CLIC2: variants seen among roughly 807,000 people sequenced by gnomAD.
CLIC2 encodes CLIC family member 2, also known as chloride intracellular channel protein 2.
Under a neutral mutation model 14.8 loss-of-function variants are expected in CLIC2, and 9 were observed. That is an observed-to-expected ratio of 0.61 (90% CI 0.37 to 1.06). CLIC2 has a LOEUF of 1.06. Among genes scored for constraint, CLIC2 ranks in the 50% least tolerant of loss-of-function variants. CLIC2 has a pLI of 0.01. For synonymous variants in CLIC2, 61 were observed against 66.3 expected (o/e 0.92, Z 0.39); for missense variants, 148 against 181.4 (o/e 0.82, Z 1.06).
chrX:155,309,176 C>T (rs1027601639), intron 1 of CLIC2, among the ~76,000 whole-genome samples: 3 of 111,721 alleles, frequency 2.7e-5, no homozygotes, highest in Non-Finnish European at 3.8e-5. Context: ...CATGGTGGCA[C>T]GTGCCTGTAG....
At chrX:155,327,537 A>G (rs1415363937) in intron 1 of CLIC2, among the ~76,000 whole-genome samples, 1 of 111,344 alleles carries the variant, frequency 9.0e-6, no homozygotes, top group Non-Finnish European at 1.9e-5. Flanking sequence ...CCTTTATAGG[A>G]ACATGAACAG....
At chrX:155,293,745 G>T (rs2074983151) in intron 3 of CLIC2, among the ~76,000 whole-genome samples, 1 of 111,403 alleles carries the variant, frequency 9.0e-6, no homozygotes, top group Non-Finnish European at 1.9e-5. Flanking sequence ...GAAACCAAAA[G>T]TGAGCAGGAT....
At chrX:155,326,749 A>G (rs1557322375) in intron 1 of CLIC2, among the ~76,000 whole-genome samples, 1 of 111,857 alleles carries the variant, frequency 8.9e-6, no homozygotes. Context: ...GTACTCAGCA[A>G]TAAAAAGGAT....
intron 3 of CLIC2, among the ~76,000 whole-genome samples, chrX:155,289,915 C>T (rs1472375089): frequency 2.7e-5 from 3 of 112,175 alleles, no homozygotes; most frequent in Admixed American, 1.9e-4. Context: ...AACTTCTGGC[C>T]TTTTCCGAGG....
intron 1 of CLIC2, among the ~76,000 whole-genome samples, chrX:155,322,755 T>C (rs1373726172): frequency 3.6e-5 from 4 of 111,089 alleles, no homozygotes; most frequent in Non-Finnish European, 7.6e-5. Flanking sequence ...AAAAAATCAA[T>C]AAATCCAGGA....
At chrX:155,281,390 G>A (rs1226979237) in intron 3 of CLIC2, among the ~76,000 whole-genome samples, 1 of 109,850 alleles carries the variant, frequency 9.1e-6, no homozygotes, top group African/African-American at 3.3e-5. Flanking sequence ...TGAAGCGATG[G>A]ATATGTTAAT....
chrX:155,326,750 T>G (rs1167647975), intron 1 of CLIC2, among the ~76,000 whole-genome samples: 1 of 111,223 alleles, frequency 9.0e-6, no homozygotes, highest in African/African-American at 3.3e-5. Context: ...TACTCAGCAA[T>G]AAAAAGGATC....
intron 3 of CLIC2, among the ~76,000 whole-genome samples, chrX:155,297,595 C>G (rs782615600): frequency 4.3e-4 from 45 of 104,201 alleles, no homozygotes; most frequent in African/African-American, 1.5e-3. Context: ...GTAATCCCAG[C>G]ACTTTGGGAG....
chrX:155,329,393 C>G (rs950621995), intron 1 of CLIC2, among the ~76,000 whole-genome samples: 3 of 107,618 alleles, frequency 2.8e-5, no homozygotes, highest in Non-Finnish European at 3.9e-5. Context: ...CAAATCAAAA[C>G]TACAATGAGA....
intron 1 of CLIC2, among the ~76,000 whole-genome samples, chrX:155,303,805 G>T (rs1354048638): frequency 1.0e-4 from 10 of 97,795 alleles, no homozygotes; most frequent in Non-Finnish European, 2.1e-4. Flanking sequence ...GCATTTGCTT[G>T]TCTGTAAAGT....
chrX:155,292,424 C>G (rs2074971320), intron 3 of CLIC2: 1 of 561,413 alleles, frequency 1.8e-6, no homozygotes, highest in African/African-American at 2.2e-5. Context: ...GAATTACAGA[C>G]CATTACAAAG....
At chrX:155,299,880 T>C (rs1251406210) in intron 1 of CLIC2, among the ~76,000 whole-genome samples, 1 of 108,662 alleles carries the variant, frequency 9.2e-6, no homozygotes, top group East Asian at 2.9e-4. Context: ...TCCAATTTCA[T>C]CCATGTCCCT....
chrX:155,329,698 A>G (rs1202418841), intron 1 of CLIC2, among the ~76,000 whole-genome samples: 1 of 109,733 alleles, frequency 9.1e-6, no homozygotes, highest in African/African-American at 3.3e-5. Flanking sequence ...ATCTACCCCA[A>G]AGAAAGGAAA....
At chrX:155,322,915 T>C (rs782696691) in intron 1 of CLIC2, among the ~76,000 whole-genome samples, 4 of 112,141 alleles carry the variant, frequency 3.6e-5, no homozygotes, top group African/African-American at 1.3e-4. Flanking sequence ...CATCAGATAA[T>C]ACTGCAAACA....
intron 1 of CLIC2, among the ~76,000 whole-genome samples, chrX:155,300,824 A>T (rs1399984135): frequency 2.3e-5 from 2 of 88,726 alleles, no homozygotes; most frequent in African/African-American, 3.8e-5. Flanking sequence ...GCACCATTTA[A>T]TAAATAGGGA....
At chrX:155,293,353 T>A in intron 3 of CLIC2, 1 of 1,117,389 alleles carries the variant, frequency 8.9e-7, no homozygotes, top group African/African-American at 1.8e-5. Flanking sequence ...GGGTAAGGAG[T>A]CCAACAAGAA....
intron 3 of CLIC2, among the ~76,000 whole-genome samples, chrX:155,297,395 T>G (rs192005052): frequency 0.015 from 1,637 of 110,375 alleles, 96 homozygotes; most frequent in Admixed American, 0.14. Context: ...ATTCAATGTT[T>G]GATAGAAGAG....
chrX:155,299,794 T>C (rs2075008827), intron 1 of CLIC2, among the ~76,000 whole-genome samples: 2 of 94,757 alleles, frequency 2.1e-5, no homozygotes, highest in South Asian at 5.9e-4. Context: ...ATCTCATTGT[T>C]CAATTCCCAC....
chrX:155,292,649 A>T (rs60490160), intron 3 of CLIC2: 2 of 245,034 alleles, frequency 8.2e-6, no homozygotes, highest in East Asian at 7.4e-5. Context: ...GGGCGCCTGT[A>T]GTCCCAGCTA....
Sources: gnomAD v4.1 joint callset for allele counts (sites outside exome capture counted in the v4.1 genomes callset) on GRCh38, gnomAD v4.1.1 for gene constraint, MANE v1.5 for transcripts, NCBI Gene and HGNC (gene_info 2026-07-23, HGNC 2026-07-21) for gene names.